METTL24: variants seen among roughly 807,000 people sequenced by gnomAD.
The protein encoded by METTL24 is probable methyltransferase-like protein 24.
Under a neutral mutation model 32.7 loss-of-function variants are expected in METTL24, and 29 were observed. The observed-to-expected ratio is 0.89, with a 90% confidence interval of 0.66 to 1.21. The LOEUF (loss-of-function observed/expected upper bound fraction) is 1.21. Ranked by LOEUF, METTL24 falls within the 50% of genes most tolerant of loss-of-function variation. METTL24 has a pLI of 0.00. For missense variants in METTL24, 439 were observed against 468.1 expected (o/e 0.94, Z 0.57); for synonymous variants, 163 against 179.5 (o/e 0.91, Z 0.73).
At chr6:110,345,512 A>C (rs1165810162) in intron 1 of METTL24, among the ~76,000 whole-genome samples, 1 of 152,252 alleles carries the variant, frequency 6.6e-6, no homozygotes, top group Non-Finnish European at 1.5e-5. Context: ...AATAGCAAAG[A>C]CATGGAATCA....
chr6:110,291,995 C>T (rs1026567877), intron 4 of METTL24, among the ~76,000 whole-genome samples: 1 of 152,180 alleles, frequency 6.6e-6, no homozygotes, highest in Non-Finnish European at 1.5e-5. Context: ...TCAGCAATTG[C>T]TTTGCATTGT....
chr6:110,297,454 C>G (rs189190383), intron 4 of METTL24, among the ~76,000 whole-genome samples: 62 of 152,234 alleles, frequency 4.1e-4, no homozygotes, highest in African/African-American at 1.4e-3. Context: ...TTCTCCTACT[C>G]AGTCTTTTCT....
chr6:110,280,212 CT>C (rs1771113841), intron 4 of METTL24, among the ~76,000 whole-genome samples: 1 of 152,174 alleles, frequency 6.6e-6, no homozygotes, highest in Non-Finnish European at 1.5e-5. Flanking sequence ...CATATCCAAA[CT>C]ATATCAGCAC....
intron 2 of METTL24, among the ~76,000 whole-genome samples, chr6:110,320,104 CATCAAT>C (rs1020874096): frequency 6.6e-6 from 1 of 152,202 alleles, no homozygotes; most frequent in Non-Finnish European, 1.5e-5. Context: ...GGAATGAATA[CATCAAT>C]GATGCACATA....
chr6:110,274,291 C>T (rs1321360511), intron 4 of METTL24, among the ~76,000 whole-genome samples: 1 of 152,146 alleles, frequency 6.6e-6, no homozygotes, highest in Non-Finnish European at 1.5e-5. Context: ...CAGGGTTTCA[C>T]CATGTTGGCC....
At chr6:110,341,118 G>A (rs1169039051) in intron 1 of METTL24, among the ~76,000 whole-genome samples, 2 of 151,840 alleles carry the variant, frequency 1.3e-5, no homozygotes, top group African/African-American at 4.8e-5. Context: ...TCAGCATCAT[G>A]GCTTACCTAT....
chr6:110,285,413 T>G (rs951068087), intron 4 of METTL24, among the ~76,000 whole-genome samples: 5 of 152,160 alleles, frequency 3.3e-5, no homozygotes, highest in African/African-American at 7.2e-5. Context: ...TACCTCCGAA[T>G]GAAACTATGA....
At chr6:110,301,569 C>A (rs1360284166) in intron 3 of METTL24, among the ~76,000 whole-genome samples, 1 of 152,132 alleles carries the variant, frequency 6.6e-6, no homozygotes, top group African/African-American at 2.4e-5. Flanking sequence ...GTCCACCGGC[C>A]CTCTGTAAAA....
In METTL24 at chr6:110,245,600, AG is replaced by A. The variant is rs1778140633; in HGVS notation, c.*345del. On this transcript the variant is annotated 3_prime_UTR_variant, in exon 5 of 5. Transcript: ENST00000338882. ...AAGAACTTAAAAATCTCACCAACCT[AG>A]TAAAAATAGGAAATTTATATAATTT... Among the ~76,000 whole-genome samples the A allele has an allele frequency of 6.6e-6, 1 of 152,258 alleles. No homozygotes were observed. Among genetic ancestry groups the A allele is most frequent in the Admixed American group, 6.5e-5 (1 of 15,290 alleles).
At chr6:110,346,921 C>T (rs147121615) in intron 1 of METTL24, among the ~76,000 whole-genome samples, 65 of 152,206 alleles carry the variant, frequency 4.3e-4, no homozygotes, top group African/African-American at 1.3e-3. Flanking sequence ...TATGTAAATA[C>T]ATTTTTTTTG....
intron 1 of METTL24, among the ~76,000 whole-genome samples, chr6:110,329,175 C>T (rs887007445): frequency 5.3e-5 from 8 of 152,134 alleles, no homozygotes; most frequent in Admixed American, 1.3e-4. Flanking sequence ...AATGCATGTT[C>T]CCACCCCAGT....
At chr6:110,295,005 C>CTTTTTTTT (rs1562228256) in intron 4 of METTL24, among the ~76,000 whole-genome samples, 17 of 96,830 alleles carry the variant, frequency 1.8e-4, no homozygotes, top group African/African-American at 4.9e-4. Context: ...TTCTTTTTTT[C>CTTTTTTTT]TTTCTTTCTT....
intron 3 of METTL24, among the ~76,000 whole-genome samples, chr6:110,304,977 C>T (rs1265017939): frequency 6.6e-6 from 1 of 152,202 alleles, no homozygotes; most frequent in Non-Finnish European, 1.5e-5. Context: ...AGAAACCCTA[C>T]AAGCTAGAAG....
chr6:110,258,789 T>TACACACACACACAC (rs146964745), intron 4 of METTL24, among the ~76,000 whole-genome samples: 1 of 145,802 alleles, frequency 6.9e-6, no homozygotes, highest in African/African-American at 2.5e-5. Context: ...TAGATGCATT[T>TACACACACACACAC]ACACACACAC....
intron 3 of METTL24, among the ~76,000 whole-genome samples, chr6:110,306,244 A>T (rs2114739180): frequency 6.6e-6 from 1 of 152,246 alleles, no homozygotes; most frequent in Admixed American, 6.5e-5. Flanking sequence ...ACCATGGCAC[A>T]TGTATACCTG....
At chr6:110,256,178 C>T (rs1205849420) in intron 4 of METTL24, among the ~76,000 whole-genome samples, 1 of 152,082 alleles carries the variant, frequency 6.6e-6, no homozygotes, top group Non-Finnish European at 1.5e-5. Flanking sequence ...TACACACACA[C>T]ACAACACACA....
chr6:110,249,743 G>A (rs893132906), intron 4 of METTL24, among the ~76,000 whole-genome samples: 7 of 151,902 alleles, frequency 4.6e-5, no homozygotes, highest in African/African-American at 7.2e-5. Context: ...ATCAAGTGCC[G>A]ATCCTAATAC....
At chr6:110,272,509 G>A (rs1051701247) in intron 4 of METTL24, among the ~76,000 whole-genome samples, 1 of 152,126 alleles carries the variant, frequency 6.6e-6, no homozygotes, top group Non-Finnish European at 1.5e-5. Context: ...TGGATTGAAT[G>A]GTATTTCTAC....
rs1771131936 is a variant in METTL24, at chr6:110,281,335, T to G, written c.786+17587A>C. On this transcript the variant is annotated intron_variant, in intron 4 of 4. Coordinates refer to ENST00000338882, the MANE Select transcript of METTL24 (RefSeq NM_001123364.3). Reference sequence around the variant, plus strand: ...AGGTTGGGAAATTGAATTGAGACCTTGCACATCAAATGGGGTGATTACATT... The same window carrying G: ...AGGTTGGGAAATTGAATTGAGACCTGGCACATCAAATGGGGTGATTACATT... 2.0e-5 allele frequency among the ~76,000 whole-genome samples: 3 copies of G among 152,106 alleles called. No homozygotes were observed. In the South Asian group the frequency reaches 6.2e-4, roughly 32 times the overall value.
Sources: gnomAD v4.1 joint callset for allele counts (sites outside exome capture counted in the v4.1 genomes callset) on GRCh38, gnomAD v4.1.1 for gene constraint, MANE v1.5 for transcripts, NCBI Gene and HGNC (gene_info 2026-07-23, HGNC 2026-07-21) for gene names.